Variants in SEMA3E observed in about 807,000 individuals in gnomAD.
SEMA3E encodes semaphorin-3E.
A neutral mutation model predicts 93.6 loss-of-function variants in SEMA3E; 49 were observed. The ratio of observed to expected loss-of-function variants is 0.52; its 90% CI spans 0.42 to 0.66. The LOEUF is 0.66. Among genes scored for constraint, SEMA3E ranks in the 30% least tolerant of loss-of-function variants. SEMA3E has a pLI of 0.00. For missense variants in SEMA3E, 906 were observed against 964.8 expected (o/e 0.94, Z 0.81); for synonymous variants, 363 against 330.7 (o/e 1.10, Z -1.06).
At chr7:83,472,415 C>T (rs1789916870) in intron 2 of SEMA3E, among the ~76,000 whole-genome samples, 1 of 119,356 alleles carries the variant, frequency 8.4e-6, no homozygotes, top group Non-Finnish European at 2.0e-5. Flanking sequence ...GGAATATGAT[C>T]CATTTGAGTA....
chr7:83,540,863 T>C (rs1210541050), intron 1 of SEMA3E, among the ~76,000 whole-genome samples: 1 of 152,232 alleles, frequency 6.6e-6, no homozygotes, highest in African/African-American at 2.4e-5. Flanking sequence ...ATCTGTGAGC[T>C]TTAATGACTT....
intron 16 of SEMA3E, among the ~76,000 whole-genome samples, chr7:83,382,857 G>A (rs1787804957): frequency 6.6e-6 from 1 of 151,870 alleles, no homozygotes. Context: ...CTAGAGTTTA[G>A]AAAGTAGACA....
At chr7:83,372,054 A>G (rs1371482297) in intron 16 of SEMA3E, 2 of 383,694 alleles carry the variant, frequency 5.2e-6, no homozygotes, top group African/African-American at 4.1e-5. Flanking sequence ...TTATCCTATA[A>G]TGAGTAAAGA....
chr7:83,440,694 T>C (rs906892015), intron 4 of SEMA3E, among the ~76,000 whole-genome samples: 8 of 151,146 alleles, frequency 5.3e-5, no homozygotes, highest in African/African-American at 1.7e-4. Flanking sequence ...ACATCTGTAA[T>C]CCCAGCTACT....
At chr7:83,590,761 A>G (rs1356211141) in intron 1 of SEMA3E, among the ~76,000 whole-genome samples, 1 of 152,120 alleles carries the variant, frequency 6.6e-6, no homozygotes, top group Non-Finnish European at 1.5e-5. Flanking sequence ...TAAGAGTACA[A>G]GTTAACATAC....
intron 2 of SEMA3E, among the ~76,000 whole-genome samples, chr7:83,477,136 T>C (rs529934073): frequency 8.5e-5 from 13 of 152,192 alleles, no homozygotes; most frequent in South Asian, 8.3e-4. Context: ...CTAACGAATA[T>C]GAAATAATTT....
At chr7:83,426,799 G>C (rs550556270) in intron 4 of SEMA3E, among the ~76,000 whole-genome samples, 1 of 152,154 alleles carries the variant, frequency 6.6e-6, no homozygotes, top group Non-Finnish European at 1.5e-5. Flanking sequence ...GTAAAATCAT[G>C]CTTCTATTTT....
intron 4 of SEMA3E, among the ~76,000 whole-genome samples, chr7:83,454,272 A>AAAC (rs1257792756): frequency 3.6e-5 from 4 of 110,136 alleles, no homozygotes; most frequent in Non-Finnish European, 6.6e-5. Context: ...AAAAAAAAAA[A>AAAC]ATATATATAT....
intron 2 of SEMA3E, among the ~76,000 whole-genome samples, chr7:83,472,819 A>C (rs998572394): frequency 9.9e-5 from 15 of 152,168 alleles, no homozygotes; most frequent in African/African-American, 2.9e-4. Flanking sequence ...TGAATCATGG[A>C]GGCCGTTTCC....
intron 16 of SEMA3E, among the ~76,000 whole-genome samples, chr7:83,382,275 C>A (rs952572915): frequency 3.3e-5 from 5 of 151,950 alleles, no homozygotes; most frequent in Admixed American, 2.0e-4. Context: ...ATCTATAAAA[C>A]AATTCTTTAT....
intron 1 of SEMA3E, among the ~76,000 whole-genome samples, chr7:83,634,203 A>T (rs1473899267): frequency 2.0e-5 from 3 of 152,172 alleles, no homozygotes; most frequent in Admixed American, 6.5e-5. Flanking sequence ...AACCACATAC[A>T]ATAAAATCCT....
intron 1 of SEMA3E, among the ~76,000 whole-genome samples, chr7:83,569,787 C>A (rs1419913967): frequency 1.3e-5 from 2 of 152,152 alleles, no homozygotes; most frequent in Non-Finnish European, 2.9e-5. Context: ...GACTTCAACA[C>A]CCCAGTGACA....
At chr7:83,577,746 G>A (rs1034312899) in intron 1 of SEMA3E, among the ~76,000 whole-genome samples, 1 of 152,058 alleles carries the variant, frequency 6.6e-6, no homozygotes, top group African/African-American at 2.4e-5. Context: ...ATTGGCTCTA[G>A]GAGAGAGAAT....
rs964231615 is a variant in SEMA3E at position 83,396,717 on chromosome 7, A to C, written c.1379T>G (p.Val460Gly). 1 of 1,596,770 alleles carries C rather than the reference A, an allele frequency of 6.3e-7. No homozygotes were observed. The highest frequency in any genetic ancestry group is 8.6e-7 in the Non-Finnish European group (1 of 1,166,428). ...VLFIGTDNGIVLKVITIYNQE... is the reference protein window; with the variant it reads ...VLFIGTDNGIGLKVITIYNQE... ...GTTGTAAATTGTGATTACTTTCAGCACAATTCCATTATCTGTAAGAAAACA... is the reference window on the plus strand; with the variant it reads ...GTTGTAAATTGTGATTACTTTCAGCCCAATTCCATTATCTGTAAGAAAACA... The change falls in exon 12 of 17, where the codon GTG becomes GGG. Residue 460 changes from valine (V) to glycine (G), a missense_variant. Transcript: ENST00000643230.
At chr7:83,511,227 G>A (rs1469496231) in intron 1 of SEMA3E, among the ~76,000 whole-genome samples, 1 of 150,052 alleles carries the variant, frequency 6.7e-6, no homozygotes, top group African/African-American at 2.5e-5. Context: ...CAGGACAATT[G>A]TACTAAGTGC....
chr7:83,435,792 G>T (rs982600897), intron 4 of SEMA3E, among the ~76,000 whole-genome samples: 5 of 152,078 alleles, frequency 3.3e-5, no homozygotes, highest in Non-Finnish European at 7.4e-5. Context: ...GGTCTTTCGT[G>T]ATGTAAAATT....
At chr7:83,377,310 A>G (rs10257208) in intron 16 of SEMA3E, among the ~76,000 whole-genome samples, 1 of 151,950 alleles carries the variant, frequency 6.6e-6, no homozygotes, top group Non-Finnish European at 1.5e-5. Flanking sequence ...TATTCATTTT[A>G]TAGGGCTTTA....
intron 1 of SEMA3E, among the ~76,000 whole-genome samples, chr7:83,631,968 C>G (rs1793794095): frequency 6.6e-6 from 1 of 152,024 alleles, no homozygotes; most frequent in East Asian, 1.9e-4. Context: ...CCAGCCTGAA[C>G]AACATGGAGA....
At chr7:83,617,735 C>T (rs1359751667) in intron 1 of SEMA3E, among the ~76,000 whole-genome samples, 1 of 150,010 alleles carries the variant, frequency 6.7e-6, no homozygotes, top group Non-Finnish European at 1.5e-5. Context: ...TTTTCAAGGT[C>T]GACTCATGTG....
Sources: gnomAD v4.1 joint callset for allele counts (sites outside exome capture counted in the v4.1 genomes callset) on GRCh38, gnomAD v4.1.1 for gene constraint, MANE v1.5 for transcripts, NCBI Gene and HGNC (gene_info 2026-07-23, HGNC 2026-07-21) for gene names.